ZNF331: variants seen among roughly 807,000 people sequenced by gnomAD.
ZNF331 encodes the protein zinc finger protein 331.
Under a neutral mutation model 7.0 loss-of-function variants are expected in ZNF331, and 2 were observed. The ratio of observed to expected loss-of-function variants is 0.29; its 90% CI spans 0.12 to 0.90. The LOEUF is 0.90. ZNF331 is among the 40% of genes least tolerant of loss of function. The pLI is 0.58. For missense variants in ZNF331, 432 were observed against 587.7 expected, an observed-to-expected ratio of 0.74 and a Z score of 2.74; for synonymous variants, 196 against 205.4, an observed-to-expected ratio of 0.95 and a Z score of 0.39.
At chr19:53,556,693 G>A (rs1351436030) in intron 3 of ZNF331, among the ~76,000 whole-genome samples, 12 of 151,894 alleles carry the variant, frequency 7.9e-5, no homozygotes, top group African/African-American at 2.2e-4. Context: ...GCTGGAGTGC[G>A]GTGGTGTGAT....
At chr19:53,569,277 T>G (rs900439660) in intron 3 of ZNF331, 27 bp from the exon 4 acceptor site, 3 of 1,405,538 alleles carry the variant, frequency 2.1e-6, no homozygotes, top group African/African-American at 2.9e-5. Context: ...ATGCACCTCG[T>G]TTTAATCTCT....
intron 2 of ZNF331, among the ~76,000 whole-genome samples, chr19:53,548,610 A>G (rs112635608): frequency 3.3e-5 from 5 of 152,166 alleles, no homozygotes; most frequent in African/African-American, 1.2e-4. Context: ...AGTCTCTCCC[A>G]ATCCATAGGC....
chr19:53,515,566 C>T (rs947400224), upstream of ZNF331, among the ~76,000 whole-genome samples: 2 of 152,186 alleles, frequency 1.3e-5, no homozygotes, highest in African/African-American at 2.4e-5. Context: ...GGCGCGATCT[C>T]GGCTCATTGC....
intron 2 of ZNF331, among the ~76,000 whole-genome samples, chr19:53,524,712 G>T (rs1008195624): frequency 6.6e-6 from 1 of 152,090 alleles, no homozygotes; most frequent in Non-Finnish European, 1.5e-5. Flanking sequence ...CATTCTGTAG[G>T]TTGTCTGTTC....
intron 2 of ZNF331, among the ~76,000 whole-genome samples, chr19:53,547,934 T>G (rs570761562): frequency 5.1e-4 from 77 of 152,204 alleles, no homozygotes; most frequent in African/African-American, 3.4e-4. Context: ...GTTTGTTTTT[T>G]TTTGTTTGTT....
At chr19:53,521,234 G>A (rs2087063810) in exon 1 of ZNF331, 1 of 152,460 alleles carries the variant, frequency 6.6e-6, no homozygotes, top group African/African-American at 2.4e-5. Flanking sequence ...GCGGGGAATG[G>A]CGGTGAGGGA....
At chr19:53,532,485 C>T (rs1217262163) in intron 2 of ZNF331, among the ~76,000 whole-genome samples, 1 of 152,198 alleles carries the variant, frequency 6.6e-6, no homozygotes, top group African/African-American at 2.4e-5. Context: ...CATTCCTCTA[C>T]AGATTAACAT....
intron 3 of ZNF331, among the ~76,000 whole-genome samples, chr19:53,557,167 A>G (rs1600385737): frequency 6.6e-6 from 1 of 152,008 alleles, no homozygotes; most frequent in South Asian, 2.1e-4. Flanking sequence ...CATGTTGCCC[A>G]GGCTGGTATC....
Position 53,539,066 on chromosome 19 carries a change from C to T in ZNF331, c.-204-150C>T, listed in dbSNP as rs1426170730. ...AGGGACAGGTCCCTGATGTGGGAGA[C>T]AGGGAGGGGGGCAGCTCCACGCGTC... On this transcript the variant is annotated intron_variant, in intron 1 of 5. Transcript: ENST00000449416. This position sits in a 1 kb window ranked among gnomAD's most constrained non-coding sequence, Gnocchi z 6.1. 6.6e-6 allele frequency: 1 copy of T among 152,148 alleles called. No homozygotes were observed. Among genetic ancestry groups the T allele is most frequent in the Non-Finnish European group, 1.5e-5 (1 of 68,058 alleles). 9.4% of individuals were successfully genotyped at this position (152,148 alleles called of 1,614,324 possible).
chr19:53,530,299 A>G (rs1288628876), intron 2 of ZNF331, among the ~76,000 whole-genome samples: 1 of 70,338 alleles, frequency 1.4e-5, no homozygotes. Context: ...AGCACTGGGG[A>G]TGACAGTTCA....
upstream of ZNF331, chr19:53,537,565 G>C (rs1462836604): frequency 6.6e-6 from 1 of 152,410 alleles, no homozygotes; most frequent in East Asian, 1.9e-4. Context: ...TGCCCGCTCC[G>C]GCACCGACCT....
At chr19:53,559,602 TAC>T (rs146617865) in intron 3 of ZNF331, among the ~76,000 whole-genome samples, 1 of 140,974 alleles carries the variant, frequency 7.1e-6, no homozygotes, top group Non-Finnish European at 1.5e-5. Flanking sequence ...TACATGTACA[TAC>T]ACACCCCATA....
chr19:53,554,362 G>A (rs1310206807), intron 2 of ZNF331, among the ~76,000 whole-genome samples: 2 of 152,204 alleles, frequency 1.3e-5, no homozygotes, highest in Non-Finnish European at 2.9e-5. Context: ...GTCTGTGTGC[G>A]CGTACACGTG....
intron 2 of ZNF331, among the ~76,000 whole-genome samples, chr19:53,542,806 G>A (rs1038565928): frequency 2.6e-5 from 4 of 152,174 alleles, no homozygotes; most frequent in African/African-American, 9.7e-5. Context: ...CGGGTTCAAG[G>A]AAGGCACTTT....
At chr19:53,551,520 A>AAGG in intron 2 of ZNF331, among the ~76,000 whole-genome samples, 1 of 152,224 alleles carries the variant, frequency 6.6e-6, no homozygotes, top group South Asian at 2.1e-4. Flanking sequence ...CCTCTCATAT[A>AAGG]TTTACACCTT....
chr19:53,523,221 TA>T (rs1221390811), intron 2 of ZNF331: 2 of 151,876 alleles, frequency 1.3e-5, no homozygotes, highest in African/African-American at 2.4e-5. Flanking sequence ...AAATATACTA[TA>T]TTTTTTTTTT....
chr19:53,575,621 ACAC>A (rs1167326649), intron 5 of ZNF331, among the ~76,000 whole-genome samples: 10 of 139,454 alleles, frequency 7.2e-5, no homozygotes. Flanking sequence ...TTATAGGCTC[ACAC>A]CACCATGCCT....
chr19:53,564,833 C>G (rs758865106), intron 3 of ZNF331, among the ~76,000 whole-genome samples: 7 of 152,276 alleles, frequency 4.6e-5, no homozygotes, highest in Non-Finnish European at 8.8e-5. Context: ...CAAGGTGTCA[C>G]AGTTGGCATA....
In ZNF331 at chr19:53,540,431, G is replaced by A. The variant is rs564166832; in HGVS notation, c.-138+1149G>A. Reference sequence around the variant, plus strand: ...GTGTGCTTGGAGGCTCTAGGAGATAGTCTTTTTTTTTCTGTAATTGAGATG... The same window carrying A: ...GTGTGCTTGGAGGCTCTAGGAGATAATCTTTTTTTTTCTGTAATTGAGATG... On this transcript the variant is annotated intron_variant, in intron 2 of 5. Coordinates refer to ENST00000449416, the MANE Select transcript of ZNF331 (RefSeq NM_001079906.2). Among the ~76,000 whole-genome samples the A allele has an allele frequency of 3.3e-5, 5 of 152,142 alleles. No individual in the cohort carries two copies. The South Asian group carries it at 8.3e-4, about 25-fold the overall frequency.
Sources: allele counts gnomAD v4.1 joint callset (sites outside exome capture counted in the v4.1 genomes callset), GRCh38; gene constraint gnomAD v4.1.1; non-coding constraint Gnocchi (gnomAD v3.1); transcripts MANE v1.5; gene names NCBI Gene and HGNC (gene_info 2026-07-23, HGNC 2026-07-21).